Variants in EXOC6B observed in about 807,000 individuals in gnomAD.
EXOC6B encodes the protein exocyst complex component 6B.
EXOC6B carries 54 observed loss-of-function variants against 113.5 expected under a neutral mutation model. That is an observed-to-expected ratio of 0.48 (90% CI 0.38 to 0.60). EXOC6B has a LOEUF of 0.60. EXOC6B is among the 20% of genes least tolerant of loss of function. The pLI, the probability that EXOC6B is intolerant of heterozygous loss-of-function variation, is 0.00. For synonymous variants in EXOC6B, 357 were observed against 339.0 expected, an observed-to-expected ratio of 1.05 and a Z score of -0.58; for missense variants, 797 against 977.5, an observed-to-expected ratio of 0.82 and a Z score of 2.46.
rs995729238 is a variant in EXOC6B at position 72,469,777 on chromosome 2, A to C, written c.1801-4438T>G. On this transcript the variant is annotated intron_variant, in intron 17 of 21. Coordinates refer to ENST00000272427, the MANE Select transcript of EXOC6B (RefSeq NM_015189.3). ...TTAGATTCACTTGATGGATGGTGTC[A>C]GTCATTTCAACTATATATATACACT... Among the ~76,000 whole-genome samples the C allele has an allele frequency of 3.3e-5, 5 of 152,080 alleles. No homozygotes were observed. In the East Asian group the frequency reaches 9.6e-4, roughly 29 times the overall value.
intron 18 of EXOC6B, among the ~76,000 whole-genome samples, chr2:72,403,070 GCT>G (rs1241121058): frequency 6.6e-6 from 1 of 152,176 alleles, no homozygotes; most frequent in African/African-American, 2.4e-5. Flanking sequence ...ATTTATACAG[GCT>G]TGCACTGAGC....
intron 1 of EXOC6B, among the ~76,000 whole-genome samples, chr2:72,794,714 G>A (rs1684851680): frequency 6.6e-6 from 1 of 152,092 alleles, no homozygotes; most frequent in Admixed American, 6.6e-5. Flanking sequence ...ACCTGCTCAG[G>A]AAACAAACGT....
At chr2:72,582,143 GGAAGGTGAAAGA>G (rs1217558507) in intron 6 of EXOC6B, among the ~76,000 whole-genome samples, 2 of 151,926 alleles carry the variant, frequency 1.3e-5, no homozygotes, top group African/African-American at 4.8e-5. Flanking sequence ...TAGGCCTTAG[GGAAGGTGAAAGA>G]GAAGGGGAAA....
Position 72,667,604 on chromosome 2 carries a change from A to C in EXOC6B, c.669+50499T>G, listed in dbSNP as rs143580798. ...CAACCATCTGATCTTTGACAAACTC[A>C]ACAAAAAGAGCAATAGGGAAAAGAC... On this transcript the variant is annotated intron_variant, in intron 6 of 21. Coordinates refer to ENST00000272427, the MANE Select transcript of EXOC6B (RefSeq NM_015189.3). Among the ~76,000 whole-genome samples, 504 of 152,252 alleles carry C rather than the reference A, an allele frequency of 3.3e-3. 2 individuals carry two copies. Among genetic ancestry groups the C allele is most frequent in the African/African-American group, 0.012 (481 of 41,558 alleles).
intron 1 of EXOC6B, among the ~76,000 whole-genome samples, chr2:72,798,375 G>A (rs1685091993): frequency 6.6e-6 from 1 of 151,088 alleles, no homozygotes; most frequent in South Asian, 2.1e-4. Context: ...AAAAAAAAAG[G>A]CATACAAAAT....
intron 6 of EXOC6B, among the ~76,000 whole-genome samples, chr2:72,652,978 T>G (rs1238549636): frequency 6.6e-6 from 1 of 151,752 alleles, no homozygotes; most frequent in Non-Finnish European, 1.5e-5. Context: ...AGACCTCAGT[T>G]ATATATATTT....
intron 19 of EXOC6B, among the ~76,000 whole-genome samples, chr2:72,375,986 C>A (rs962868331): frequency 6.6e-6 from 1 of 152,124 alleles, no homozygotes; most frequent in African/African-American, 2.4e-5. Context: ...TACAGCCTAG[C>A]CTCAGAGTCA....
At chr2:72,219,965 C>T (rs991656307) in intron 20 of EXOC6B, among the ~76,000 whole-genome samples, 2 of 152,118 alleles carry the variant, frequency 1.3e-5, no homozygotes, top group Admixed American at 6.5e-5. Context: ...ACCTGACTCA[C>T]GGTACAGCCT....
chr2:72,733,863 C>T (rs1310491592), intron 2 of EXOC6B, among the ~76,000 whole-genome samples: 2 of 152,146 alleles, frequency 1.3e-5, no homozygotes, highest in Admixed American at 6.5e-5. Flanking sequence ...GCTTTCTAGC[C>T]TTCCACCAGT....
intron 20 of EXOC6B, among the ~76,000 whole-genome samples, chr2:72,257,800 G>A (rs1332539683): frequency 2.6e-5 from 4 of 152,114 alleles, no homozygotes; most frequent in African/African-American, 9.7e-5. Context: ...AACCATAGCC[G>A]ACATAGCCAT....
chr2:72,618,937 G>C (rs1392417497), intron 6 of EXOC6B, among the ~76,000 whole-genome samples: 2 of 152,318 alleles, frequency 1.3e-5, no homozygotes, highest in Admixed American at 6.5e-5. Flanking sequence ...AAATTCCCTT[G>C]ATAACAGGAA....
chr2:72,423,264 A>G (rs6546773), intron 18 of EXOC6B, among the ~76,000 whole-genome samples: 29,076 of 151,402 alleles, frequency 0.19, 5,013 homozygotes, highest in African/African-American at 0.47. Context: ...AGAAACTCCG[A>G]ACACATCTGA....
At chr2:72,630,981 CA>C (rs1203513043) in intron 6 of EXOC6B, among the ~76,000 whole-genome samples, 1 of 152,078 alleles carries the variant, frequency 6.6e-6, no homozygotes. Context: ...TAAATAATCC[CA>C]AAGTGATGTC....
chr2:72,294,710 A>G (rs1196303878), intron 20 of EXOC6B, among the ~76,000 whole-genome samples: 1 of 151,638 alleles, frequency 6.6e-6, no homozygotes, highest in Non-Finnish European at 1.5e-5. Context: ...ATTTTCTTTG[A>G]TTTTGTCTTT....
At chr2:72,699,401 C>G (rs1678130302) in intron 6 of EXOC6B, among the ~76,000 whole-genome samples, 1 of 151,630 alleles carries the variant, frequency 6.6e-6, no homozygotes, top group African/African-American at 2.4e-5. Context: ...TCACTTGAAC[C>G]CAGGAGGCAG....
At chr2:72,695,087 G>C (rs1171544424) in intron 6 of EXOC6B, among the ~76,000 whole-genome samples, 1 of 152,210 alleles carries the variant, frequency 6.6e-6, no homozygotes, top group Non-Finnish European at 1.5e-5. Context: ...CCAACCAGGG[G>C]AGAGGTTACA....
At position 72,701,351 on chromosome 2, in the gene EXOC6B, A is replaced by T. The variant is rs574880438; in HGVS notation, c.669+16752T>A. ...GCAAGACTCCATCTTCAAAAAAAAA[A>T]AAAAAAAAGCTGTACCTAAGAGAAA... On this transcript the variant is annotated intron_variant, in intron 6 of 21. Coordinates refer to ENST00000272427, the MANE Select transcript of EXOC6B (RefSeq NM_015189.3). 5.8e-4 allele frequency among the ~76,000 whole-genome samples: 88 copies of T among 152,100 alleles called. No homozygotes were observed. The South Asian group carries it at 0.012, about 21-fold the overall frequency.
chr2:72,304,182 G>A (rs959369840), intron 20 of EXOC6B, among the ~76,000 whole-genome samples: 5 of 152,208 alleles, frequency 3.3e-5, no homozygotes, highest in African/African-American at 1.2e-4. Context: ...GTATTCCACA[G>A]TATGATTGGT....
At chr2:72,594,948 C>T (rs1669970287) in intron 6 of EXOC6B, among the ~76,000 whole-genome samples, 2 of 152,092 alleles carry the variant, frequency 1.3e-5, no homozygotes, top group African/African-American at 2.4e-5. Context: ...TTAACATTCC[C>T]ATTCAAAGAC....
Sources: gnomAD v4.1 joint callset for allele counts (sites outside exome capture counted in the v4.1 genomes callset) on GRCh38, gnomAD v4.1.1 for gene constraint, MANE v1.5 for transcripts, NCBI Gene and HGNC (gene_info 2026-07-23, HGNC 2026-07-21) for gene names.